MBNL2: variants seen among roughly 807,000 people sequenced by gnomAD.
MBNL2 encodes the protein muscleblind like splicing regulator 2, also known as muscleblind-like protein 2.
A neutral mutation model predicts 41.9 loss-of-function variants in MBNL2; 17 were observed. That is an observed-to-expected ratio of 0.41 (90% CI 0.28 to 0.61). The LOEUF (loss-of-function observed/expected upper bound fraction) is 0.61. Among genes scored for constraint, MBNL2 ranks in the 20% least tolerant of loss-of-function variants. MBNL2 has a pLI of 0.35. For synonymous variants in MBNL2, 195 were observed against 182.9 expected (o/e 1.07, Z -0.53); for missense variants, 336 against 505.6 (o/e 0.66, Z 3.22).
In MBNL2 at chr13:97,308,251, A is replaced by G. The variant is rs565585225; in HGVS notation, c.175-26025A>G. Among the ~76,000 whole-genome samples, 84 of 152,326 alleles carry G rather than the reference A, an allele frequency of 5.5e-4. 1 individual carries two copies. Among genetic ancestry groups the G allele is most frequent in the African/African-American group, 2.0e-3 (83 of 41,576 alleles). The stretch of plus-strand genomic sequence containing the variant: ...CTTTACCTTTATATCACCACAGTAC[A>G]GTGACTTACAATGATTCCAGATCAA... On this transcript the variant is annotated intron_variant, in intron 2 of 8. Transcript: ENST00000679496.
the MBNL2 span, among the ~76,000 whole-genome samples, chr13:97,205,095 C>T: frequency 2.7e-5 from 4 of 150,398 alleles, no homozygotes; most frequent in East Asian, 1.9e-4. Context: ...CACTTGAACC[C>T]GGGAGGTGGA....
chr13:97,159,226 T>G, the MBNL2 span, among the ~76,000 whole-genome samples: 1 of 142,366 alleles, frequency 7.0e-6, no homozygotes, highest in Non-Finnish European at 1.6e-5. Flanking sequence ...AACCCCTGCG[T>G]TTTTTTGTTT....
intron 2 of MBNL2, among the ~76,000 whole-genome samples, chr13:97,286,662 C>T (rs1408326502): frequency 6.6e-6 from 1 of 152,222 alleles, no homozygotes; most frequent in Non-Finnish European, 1.5e-5. Flanking sequence ...GATCAGCCAC[C>T]TGCTCCCCAG....
chr13:97,177,356 AATAAG>A, the MBNL2 span, among the ~76,000 whole-genome samples: 1 of 152,192 alleles, frequency 6.6e-6, no homozygotes, highest in African/African-American at 2.4e-5. Context: ...AAAAAAGAGA[AATAAG>A]AGAAGCTTTT....
intron 8 of MBNL2, among the ~76,000 whole-genome samples, chr13:97,381,135 C>G (rs1566453228): frequency 6.6e-6 from 1 of 151,718 alleles, no homozygotes; most frequent in Non-Finnish European, 1.5e-5. Context: ...CACACACACA[C>G]ACCACACACA....
chr13:97,227,006 T>G (rs1454436014), intron 1 of MBNL2, among the ~76,000 whole-genome samples: 1 of 150,610 alleles, frequency 6.6e-6, no homozygotes, highest in Non-Finnish European at 1.5e-5. Context: ...CTGCAGAATT[T>G]CGCTTTCCCC....
At chr13:97,224,887 C>G (rs188838993) in intron 1 of MBNL2, among the ~76,000 whole-genome samples, 1 of 152,320 alleles carries the variant, frequency 6.6e-6, no homozygotes, top group East Asian at 1.9e-4. Context: ...TCGATCTAAT[C>G]TAATATACTA....
chr13:97,287,490 C>T (rs2054709724), intron 2 of MBNL2, among the ~76,000 whole-genome samples: 1 of 152,100 alleles, frequency 6.6e-6, no homozygotes, highest in Admixed American at 6.5e-5. Flanking sequence ...ATCCATCAAA[C>T]ATTTATCATT....
intron 2 of MBNL2, among the ~76,000 whole-genome samples, chr13:97,290,682 C>CAAAA (rs144219795): frequency 2.6e-5 from 3 of 114,910 alleles, no homozygotes; most frequent in Admixed American, 8.9e-5. Context: ...GACTCCGTCT[C>CAAAA]AAAAAAAAAA....
chr13:97,269,561 T>C (rs978845767), intron 1 of MBNL2, among the ~76,000 whole-genome samples: 1 of 152,240 alleles, frequency 6.6e-6, no homozygotes, highest in East Asian at 1.9e-4. Flanking sequence ...CAGGCTCCCA[T>C]TGGTGCTACC....
chr13:97,198,509 T>G, the MBNL2 span, among the ~76,000 whole-genome samples: 4 of 148,858 alleles, frequency 2.7e-5, no homozygotes, highest in African/African-American at 7.3e-5. Flanking sequence ...TAAGATATAT[T>G]TAATATATAA....
chr13:97,198,008 A>C, the MBNL2 span, among the ~76,000 whole-genome samples: 9 of 152,202 alleles, frequency 5.9e-5, no homozygotes, highest in South Asian at 2.1e-4. Context: ...TGAGCATCTC[A>C]TAGGCATCTC....
In MBNL2 at chr13:97,392,533, T is replaced by C. The variant is rs1363588506; in HGVS notation, c.*1084T>C. ...TAAAGCATATTTTATGTCTCAAAAG[T>C]ATAAAAAACTTTAATACAAGTACAT... On this transcript the variant is annotated 3_prime_UTR_variant, in exon 9 of 9. Coordinates refer to ENST00000679496, the MANE Select transcript of MBNL2 (RefSeq NM_001382683.1). The C allele has an allele frequency of 6.6e-6, 1 of 152,392 alleles. No individual in the cohort carries two copies. 9.4% of individuals were successfully genotyped at this position (152,392 alleles called of 1,614,324 possible).
At chr13:97,374,156 T>C (rs2153141841) in intron 8 of MBNL2, among the ~76,000 whole-genome samples, 1 of 151,328 alleles carries the variant, frequency 6.6e-6, no homozygotes, top group African/African-American at 2.4e-5. Context: ...TATTTTATTT[T>C]TATTTTTTTG....
intron 5 of MBNL2, among the ~76,000 whole-genome samples, chr13:97,351,091 A>G (rs1326419128): frequency 1.3e-5 from 2 of 152,258 alleles, no homozygotes; most frequent in African/African-American, 4.8e-5. Flanking sequence ...TTGTGTTAGC[A>G]TGCATGAAAA....
chr13:97,369,515 C>T (rs2064164852), intron 8 of MBNL2, among the ~76,000 whole-genome samples: 1 of 152,170 alleles, frequency 6.6e-6, no homozygotes, highest in Admixed American at 6.5e-5. Context: ...CTGTCTTTAA[C>T]ACAAAATATA....
chr13:97,300,964 C>T (rs138436273), intron 2 of MBNL2, among the ~76,000 whole-genome samples: 1 of 152,274 alleles, frequency 6.6e-6, no homozygotes, highest in East Asian at 1.9e-4. Flanking sequence ...CACCAGCTGT[C>T]CCCTTTGGAA....
At chr13:97,184,254 A>T in the MBNL2 span, among the ~76,000 whole-genome samples, 1 of 152,236 alleles carries the variant, frequency 6.6e-6, no homozygotes, top group African/African-American at 2.4e-5. Flanking sequence ...AATATAGTCT[A>T]GTTCTTGTTA....
At chr13:97,208,329 T>C in the MBNL2 span, among the ~76,000 whole-genome samples, 1 of 152,222 alleles carries the variant, frequency 6.6e-6, no homozygotes, top group African/African-American at 2.4e-5. Context: ...ACAGGAATAG[T>C]GCCAATTAAT....
Sources: gnomAD v4.1 joint callset for allele counts (sites outside exome capture counted in the v4.1 genomes callset) on GRCh38, gnomAD v4.1.1 for gene constraint, MANE v1.5 for transcripts, NCBI Gene and HGNC (gene_info 2026-07-23, HGNC 2026-07-21) for gene names.